Variants in PTGER3 observed in about 807,000 individuals in gnomAD.
The protein encoded by PTGER3 is prostaglandin E receptor 3, also known as prostaglandin E2 receptor EP3 subtype.
In PTGER3, 22 loss-of-function variants were observed where a neutral mutation model predicts 34.7. That is an observed-to-expected ratio of 0.63 (90% CI 0.45 to 0.91). The LOEUF (loss-of-function observed/expected upper bound fraction) is 0.91. Among genes scored for constraint, PTGER3 ranks in the 40% least tolerant of loss-of-function variants. PTGER3 has a pLI of 0.00. For synonymous variants in PTGER3, 241 were observed against 230.1 expected, an observed-to-expected ratio of 1.05 and a Z score of -0.43; for missense variants, 468 against 519.4, an observed-to-expected ratio of 0.90 and a Z score of 0.96.
At chr1:71,035,844 C>A (rs1453954450) in intron 1 of PTGER3, among the ~76,000 whole-genome samples, 1 of 152,232 alleles carries the variant, frequency 6.6e-6, no homozygotes, top group Admixed American at 6.5e-5. Flanking sequence ...TGCACTGACA[C>A]CTTCACATAC....
At chr1:70,912,026 T>C (rs1477439933) in intron 4 of PTGER3, among the ~76,000 whole-genome samples, 1 of 152,122 alleles carries the variant, frequency 6.6e-6, no homozygotes, top group Non-Finnish European at 1.5e-5. Context: ...CAAAAATTAC[T>C]CTCATGTTTC....
intron 1 of PTGER3, among the ~76,000 whole-genome samples, chr1:71,039,096 C>A (rs562594021): frequency 7.9e-5 from 12 of 152,296 alleles, no homozygotes; most frequent in Admixed American, 4.6e-4. Context: ...AGAGGAATGA[C>A]TGTTCAGGTG....
chr1:71,000,932 G>A (rs1656416341), intron 2 of PTGER3, among the ~76,000 whole-genome samples: 1 of 152,086 alleles, frequency 6.6e-6, no homozygotes, highest in Non-Finnish European at 1.5e-5. Context: ...TGAGGAGAGA[G>A]CTAAATCCAG....
chr1:70,950,322 A>G (rs1204595692), downstream of PTGER3, among the ~76,000 whole-genome samples: 1 of 152,214 alleles, frequency 6.6e-6, no homozygotes, highest in East Asian at 1.9e-4. Flanking sequence ...AAAGCCATTT[A>G]TAAATAAATT....
intron 2 of PTGER3, chr1:71,006,965 G>A (rs1181820959): frequency 1.4e-5 from 14 of 985,342 alleles, no homozygotes; most frequent in Non-Finnish European, 1.1e-5. Context: ...AAAGTCTAAC[G>A]TACTTTTCAT....
At chr1:70,995,253 G>C (rs11209731) in intron 2 of PTGER3, among the ~76,000 whole-genome samples, 50,583 of 151,972 alleles carry the variant, frequency 0.33, 8,957 homozygotes, top group South Asian at 0.45. Context: ...AATGTGTTTG[G>C]GGAGAGGATT....
chr1:71,014,791 A>T (rs1657747686), intron 1 of PTGER3, among the ~76,000 whole-genome samples: 1 of 152,174 alleles, frequency 6.6e-6, no homozygotes, highest in African/African-American at 2.4e-5. Flanking sequence ...CATCAAGTTT[A>T]CACCTTTGTT....
At chr1:70,857,679 G>A (rs902228467) in intron 4 of PTGER3, among the ~76,000 whole-genome samples, 4 of 151,926 alleles carry the variant, frequency 2.6e-5, no homozygotes, top group Non-Finnish European at 5.9e-5. Flanking sequence ...GGGACTACAG[G>A]CACCGCCACC....
At chr1:70,927,015 A>G (rs1252485573) in intron 4 of PTGER3, among the ~76,000 whole-genome samples, 1 of 152,246 alleles carries the variant, frequency 6.6e-6, no homozygotes, top group Non-Finnish European at 1.5e-5. Flanking sequence ...CCATCCTTGC[A>G]TCTCAGGGAT....
In PTGER3 at chr1:70,955,275, C is replaced by T. The variant is rs189520884; in HGVS notation, c.1078-1486G>A. 3.7e-3 allele frequency among the ~76,000 whole-genome samples: 569 copies of T among 152,220 alleles called. 6 individuals carry two copies. The highest frequency in any genetic ancestry group is 6.7e-3 in the Admixed American group (102 of 15,288). ...AAATGAAAGTTTATAATAATAATCT[C>T]ATAGAAAGGTGGTGGCTATCACATG... On this transcript the variant is annotated intron_variant, in intron 2 of 3. Coordinates refer to the PTGER3 transcript ENST00000356595.
intron 3 of PTGER3, chr1:70,953,086 A>G: frequency 6.5e-7 from 1 of 1,539,208 alleles, no homozygotes; most frequent in Middle Eastern, 1.7e-4. Flanking sequence ...ATATTGAGAA[A>G]AGAAAATAAT....
intron 1 of PTGER3, among the ~76,000 whole-genome samples, chr1:71,017,628 G>A (rs1253355203): frequency 6.6e-6 from 1 of 152,072 alleles, no homozygotes; most frequent in Non-Finnish European, 1.5e-5. Context: ...CATGAGATAT[G>A]CTTGTTTAAA....
Position 70,985,372 on chromosome 1 carries a change from A to G in PTGER3, c.1078-10984T>C, listed in dbSNP as rs572976629. The stretch of plus-strand genomic sequence containing the variant: ...GGAAGGCAGTGGAAAGCTGAACACC[A>G]TAGAGACTGCCATGGAGTTGCTATT... On this transcript the variant is annotated intron_variant, in intron 2 of 3. Transcript: ENST00000306666. Among the ~76,000 whole-genome samples the G allele has an allele frequency of 9.8e-5, 15 of 152,286 alleles. No homozygotes were observed. The South Asian group carries it at 3.1e-3, about 32-fold the overall frequency.
intron 2 of PTGER3, among the ~76,000 whole-genome samples, chr1:70,985,078 G>T (rs114783474): frequency 5.9e-5 from 9 of 152,218 alleles, no homozygotes; most frequent in African/African-American, 1.7e-4. Context: ...GGCCTTTGCC[G>T]ACAAAATCCT....
chr1:70,896,766 C>T (rs558232971), intron 4 of PTGER3, among the ~76,000 whole-genome samples: 1 of 152,244 alleles, frequency 6.6e-6, no homozygotes, highest in East Asian at 1.9e-4. Context: ...TGCAACAGCT[C>T]TTTTCTAATT....
chr1:70,994,747 C>A (rs757609004), intron 2 of PTGER3, among the ~76,000 whole-genome samples: 2 of 152,184 alleles, frequency 1.3e-5, no homozygotes, highest in Non-Finnish European at 2.9e-5. Context: ...TGAGCCATTG[C>A]GACCAGCCAA....
chr1:70,969,237 C>T (rs375476070), downstream of PTGER3, among the ~76,000 whole-genome samples: 1 of 152,028 alleles, frequency 6.6e-6, no homozygotes, highest in Non-Finnish European at 1.5e-5. Context: ...ACAAAAAGCA[C>T]TTCTTGTGAT....
chr1:70,917,664 A>G (rs1268997160), intron 4 of PTGER3, among the ~76,000 whole-genome samples: 1 of 151,870 alleles, frequency 6.6e-6, no homozygotes, highest in Non-Finnish European at 1.5e-5. Flanking sequence ...ACTAATTTAC[A>G]TTTCCACCAA....
chr1:70,863,742 T>C lies in PTGER3; in HGVS notation c.*24-10883A>G, dbSNP rs142695097. 1.5e-4 allele frequency among the ~76,000 whole-genome samples: 23 copies of C among 152,022 alleles called. No individual in the cohort carries two copies. The East Asian group carries it at 3.3e-3, about 22-fold the overall frequency. On this transcript the variant is annotated intron_variant, in intron 4 of 4. Transcript: ENST00000370931. ...TGGATAGGAACAGAGAAGAAAGGCATTTTGGTAGCAATAACAACCTGAACG... is the reference window on the plus strand; with the variant it reads ...TGGATAGGAACAGAGAAGAAAGGCACTTTGGTAGCAATAACAACCTGAACG...
Sources: gnomAD v4.1 joint callset for allele counts (sites outside exome capture counted in the v4.1 genomes callset) on GRCh38, gnomAD v4.1.1 for gene constraint, MANE v1.5 for transcripts, NCBI Gene and HGNC (gene_info 2026-07-23, HGNC 2026-07-21) for gene names.